NAV3: variants seen among roughly 807,000 people sequenced by gnomAD.
NAV3 encodes the protein neuron navigator 3.
NAV3 carries 87 observed loss-of-function variants against 244.7 expected under a neutral mutation model. The ratio of observed to expected loss-of-function variants is 0.36; its 90% CI spans 0.30 to 0.42. The LOEUF is 0.42. Ranked by LOEUF, NAV3 falls within the 20% of genes least tolerant of loss-of-function variation. The pLI is 1.00. For synonymous variants in NAV3, 1,126 were observed against 1,042.2 expected (o/e 1.08, Z -1.55); for missense variants, 2,663 against 2,893.3 (o/e 0.92, Z 1.83).
chr12:78,206,854 C>CTTTT lies in NAV3; in HGVS notation c.7038+1734_7038+1737dup, dbSNP rs10594185. Among the ~76,000 whole-genome samples, 641 of 114,720 alleles carry CTTTT rather than the reference C, an allele frequency of 5.6e-3. 6 individuals are homozygous for CTTTT. Among genetic ancestry groups the CTTTT allele is most frequent in the Non-Finnish European group, 8.7e-3 (494 of 56,812 alleles). The allele number at this position is 114,720 out of a possible 152,430, so 75.3% of individuals were successfully genotyped here. On this transcript the variant is annotated intron_variant, in intron 39 of 39. Transcript: ENST00000397909. ...TTCTATCTTTTTTCTTTCTTTCTTA[C>CTTTT]TTTTTTTTTTTTTTTTTTTTTGAGA...
At chr12:77,913,651 G>A (rs190526747) in intron 1 of NAV3, among the ~76,000 whole-genome samples, 100 of 152,072 alleles carry the variant, frequency 6.6e-4, no homozygotes, top group Middle Eastern at 3.4e-3. Flanking sequence ...TTCAGGGAGT[G>A]TGTGTGTGTG....
rs764162486 is a variant in NAV3, at chr12:78,116,914, A to G, written c.2769+10A>G. ...TAGGAAGAATACTCAGGTGAGAATT[A>G]CCACCTTTCTTTTTCCAGTGTTTCT... On this transcript the variant is annotated intron_variant, in intron 13 of 39. Coordinates refer to ENST00000397909, the MANE Select transcript of NAV3 (RefSeq NM_001024383.2). 1.2e-6 allele frequency: 2 copies of G among 1,609,594 alleles called. No homozygotes were observed. Among genetic ancestry groups the G allele is most frequent in the Admixed American group, 3.3e-5 (2 of 59,838 alleles).
At chr12:78,063,237 A>T (rs1884554599) in intron 12 of NAV3, among the ~76,000 whole-genome samples, 2 of 152,046 alleles carry the variant, frequency 1.3e-5, no homozygotes, top group Non-Finnish European at 2.9e-5. Flanking sequence ...CACCAACCCC[A>T]TTTCTGTATT....
chr12:77,831,536 G>C lies in NAV3; in HGVS notation c.75G>C (p.Pro25=), dbSNP rs369240432. The part of the protein sequence containing the change: ...VGSKPVHTAL[P]IPNLGTTGSQ... ...CAAAGCCTGTGCATACTGCTCTTCC[G>C]ATACCAAATCTTGGCACTACTGGGT... is the stretch of plus-strand genomic sequence containing the variant. The change falls in exon 1 of 40, where the codon CCG becomes CCC. Residue 25 remains proline, a synonymous_variant. Transcript: ENST00000397909. 1 of 1,614,048 alleles carries C rather than the reference G, an allele frequency of 6.2e-7. No individual in the cohort carries two copies. Among genetic ancestry groups the C allele is most frequent in the Admixed American group, 1.7e-5 (1 of 60,002 alleles).
At chr12:77,757,507 A>T (rs1003502910) in intron 2 of NAV3, among the ~76,000 whole-genome samples, 2 of 152,218 alleles carry the variant, frequency 1.3e-5, no homozygotes, top group African/African-American at 4.8e-5. Flanking sequence ...CATAATTAGT[A>T]ATTGTGTAAA....
intron 2 of NAV3, among the ~76,000 whole-genome samples, chr12:77,796,844 G>GT (rs1237854784): frequency 1.6e-5 from 2 of 127,252 alleles, no homozygotes; most frequent in Non-Finnish European, 3.5e-5. Context: ...TTTTAATTAA[G>GT]GTTTTTTTTT....
intron 8 of NAV3, among the ~76,000 whole-genome samples, chr12:78,018,351 TAA>T (rs1179783366): frequency 6.6e-6 from 1 of 152,188 alleles, no homozygotes; most frequent in African/African-American, 2.4e-5. Flanking sequence ...CCAATGGAAT[TAA>T]GTCTTACATA....
intron 2 of NAV3, among the ~76,000 whole-genome samples, chr12:77,590,544 G>A (rs1319309461): frequency 6.6e-6 from 1 of 152,124 alleles, no homozygotes; most frequent in Non-Finnish European, 1.5e-5. Flanking sequence ...AGGGGATGGG[G>A]AAAAATAACT....
At chr12:77,761,516 G>T (rs1276481352) in intron 2 of NAV3, among the ~76,000 whole-genome samples, 1 of 152,124 alleles carries the variant, frequency 6.6e-6, no homozygotes, top group South Asian at 2.1e-4. Context: ...GAAAATTTTC[G>T]CAATCTATCC....
intron 2 of NAV3, among the ~76,000 whole-genome samples, chr12:77,685,167 A>T (rs1419738008): frequency 6.6e-6 from 1 of 152,158 alleles, no homozygotes; most frequent in Non-Finnish European, 1.5e-5. Flanking sequence ...CTATGTTCTC[A>T]TAGAAAAATA....
At chr12:78,164,381 G>T (rs943880620) in intron 23 of NAV3, among the ~76,000 whole-genome samples, 1 of 151,648 alleles carries the variant, frequency 6.6e-6, no homozygotes, top group Non-Finnish European at 1.5e-5. Flanking sequence ...CATTTTTTTG[G>T]GTGACTACAA....
intron 2 of NAV3, among the ~76,000 whole-genome samples, chr12:77,676,559 CT>C (rs35737201): frequency 1.9e-4 from 28 of 145,138 alleles, no homozygotes; most frequent in South Asian, 1.1e-3. Context: ...CCTTTAAAGC[CT>C]TTTTTTTTTT....
chr12:78,151,648 G>A (rs970152307), intron 22 of NAV3, among the ~76,000 whole-genome samples: 2 of 151,930 alleles, frequency 1.3e-5, no homozygotes, highest in African/African-American at 4.8e-5. Flanking sequence ...GAGAGAGGTA[G>A]TGTGACTATA....
intron 12 of NAV3, among the ~76,000 whole-genome samples, chr12:78,090,094 A>G (rs1185070519): frequency 6.6e-6 from 1 of 151,832 alleles, no homozygotes; most frequent in African/African-American, 2.4e-5. Flanking sequence ...TATCTCCAGT[A>G]TGCCCTGCAT....
intron 2 of NAV3, among the ~76,000 whole-genome samples, chr12:77,649,551 C>G (rs11106121): frequency 6.6e-6 from 1 of 151,862 alleles, no homozygotes; most frequent in Non-Finnish European, 1.5e-5. Flanking sequence ...ACTCAACATA[C>G]TAATAAGAAG....
intron 5 of NAV3, among the ~76,000 whole-genome samples, chr12:77,981,507 C>T (rs1266865010): frequency 6.6e-6 from 1 of 151,932 alleles, no homozygotes; most frequent in African/African-American, 2.4e-5. Flanking sequence ...TCTTAAAAAC[C>T]CTTAGTGAAT....
At chr12:77,928,663 A>G (rs991447069) in intron 1 of NAV3, among the ~76,000 whole-genome samples, 1 of 152,220 alleles carries the variant, frequency 6.6e-6, no homozygotes, top group Non-Finnish European at 1.5e-5. Context: ...CTGCATGTAA[A>G]GAAAAATCAG....
Position 78,137,213 on chromosome 12 carries a change from G to A in NAV3, c.4478G>A (p.Gly1493Glu). The change falls in exon 19 of 40, where the codon GGG becomes GAG. Residue 1493 changes from glycine to glutamate, a missense_variant. Around this residue, in one of 6 missense-constraint regions of NAV3, gnomAD observed 354 missense variants for 413.0 expected, o/e 0.86. Coordinates refer to ENST00000397909, the MANE Select transcript of NAV3 (RefSeq NM_001024383.2). Reference protein sequence around the residue: ...PTNLSQFNLPGPSMMRSNSIP... With the variant: ...PTNLSQFNLPEPSMMRSNSIP... ...AATTTGTCTCAGTTTAACCTTCCCG[G>A]GCCCAGCATGATGCGCTCAAACAGC... 1 of 1,612,598 alleles carries A rather than the reference G, an allele frequency of 6.2e-7. No individual in the cohort carries two copies. Among genetic ancestry groups the A allele is most frequent in the South Asian group, 1.1e-5 (1 of 90,926 alleles).
At chr12:78,151,881 G>T (rs1022863753) in intron 22 of NAV3, among the ~76,000 whole-genome samples, 1 of 150,886 alleles carries the variant, frequency 6.6e-6, no homozygotes, top group Admixed American at 6.6e-5. Flanking sequence ...AATATATAAT[G>T]TATTAAAATG....
Sources: allele counts gnomAD v4.1 joint callset (sites outside exome capture counted in the v4.1 genomes callset), GRCh38; gene constraint gnomAD v4.1.1; regional missense constraint gnomAD v4.1.1; transcripts MANE v1.5; gene names NCBI Gene and HGNC (gene_info 2026-07-23, HGNC 2026-07-21).